ASB7: variants seen among roughly 807,000 people sequenced by gnomAD.
ASB7 encodes ankyrin repeat and SOCS box containing 7, also known as ankyrin repeat and SOCS box protein 7.
Under a neutral mutation model 32.5 loss-of-function variants are expected in ASB7, and 4 were observed. That is an observed-to-expected ratio of 0.12 (90% CI 0.06 to 0.28). The LOEUF is 0.28. Among genes scored for constraint, ASB7 ranks in the 10% least tolerant of loss-of-function variants. The pLI is 1.00. For synonymous variants in ASB7, 172 were observed against 155.6 expected (o/e 1.11, Z -0.78); for missense variants, 181 against 407.1 (o/e 0.44, Z 4.78).
At chr15:100,646,002 A>G (rs756019301) in intron 5 of ASB7, 28 of 473,870 alleles carry the variant, frequency 5.9e-5, no homozygotes, top group Middle Eastern at 6.4e-4. Flanking sequence ...CCTCCATTTC[A>G]TCTTCTTCTG....
chr15:100,609,280 G>A (rs1441598258), intron 2 of ASB7, among the ~76,000 whole-genome samples: 1 of 152,106 alleles, frequency 6.6e-6, no homozygotes, highest in African/African-American at 2.4e-5. Context: ...TTTAACCCAG[G>A]CCACCTATTA....
intron 5 of ASB7, among the ~76,000 whole-genome samples, chr15:100,647,182 A>G (rs569462871): frequency 1.3e-5 from 2 of 152,362 alleles, no homozygotes; most frequent in East Asian, 1.9e-4. Flanking sequence ...TAGCCCACAT[A>G]AAAGTTTCTG....
intron 4 of ASB7, among the ~76,000 whole-genome samples, chr15:100,614,484 G>T (rs1487939026): frequency 6.6e-6 from 1 of 152,048 alleles, no homozygotes; most frequent in Non-Finnish European, 1.5e-5. Context: ...TTTGTGTGCC[G>T]TACTGGCTTT....
chr15:100,630,188 TA>T (rs541033683), intron 5 of ASB7, 146 bp downstream of exon 5: 547 of 1,232,244 alleles, frequency 4.4e-4, no homozygotes, highest in South Asian at 1.2e-3. Context: ...TCTTCTGAAA[TA>T]AAAAAAAAAC....
chr15:100,613,146 C>G (rs1350552036), intron 4 of ASB7, among the ~76,000 whole-genome samples: 1 of 152,216 alleles, frequency 6.6e-6, no homozygotes, highest in Non-Finnish European at 1.5e-5. Context: ...TGTATACCCA[C>G]ATTATCTCTG....
Position 100,649,907 on chromosome 15 carries a change from C to T in ASB7, c.*1445C>T, listed in dbSNP as rs1257525290. 6.6e-6 allele frequency: 1 copy of T among 152,224 alleles called. No individual in the cohort carries two copies. Among genetic ancestry groups the T allele is most frequent in the Non-Finnish European group, 1.5e-5 (1 of 68,054 alleles). 9.4% of individuals were successfully genotyped at this position (152,224 alleles called of 1,614,324 possible). On this transcript the variant is annotated 3_prime_UTR_variant, in exon 6 of 6. Coordinates refer to ENST00000332783, the MANE Select transcript of ASB7 (RefSeq NM_198243.3). Reference sequence around the variant, plus strand: ...GAAGTTTACAAGACGAAGGGCTTCTCTCGTCTGAATTTCTAGATTTAAGTC... The same window carrying T: ...GAAGTTTACAAGACGAAGGGCTTCTTTCGTCTGAATTTCTAGATTTAAGTC...
chr15:100,626,033 G>A (rs1053162831), intron 4 of ASB7, among the ~76,000 whole-genome samples: 4 of 152,132 alleles, frequency 2.6e-5, no homozygotes, highest in African/African-American at 9.7e-5. Context: ...CTAAATGTGA[G>A]AGTTAAAAGT....
At chr15:100,648,171 G>A (rs2040009009) in intron 5 of ASB7, 152 bp from the exon 6 acceptor site, 22 of 676,156 alleles carry the variant, frequency 3.3e-5, no homozygotes, top group Non-Finnish European at 4.7e-5. Flanking sequence ...ATCGCATGAA[G>A]GTCCTAGGAC....
chr15:100,642,180 A>T (rs2039966158), intron 5 of ASB7, among the ~76,000 whole-genome samples: 1 of 152,210 alleles, frequency 6.6e-6, no homozygotes, highest in Non-Finnish European at 1.5e-5. Context: ...AGGCCTCAGA[A>T]TGTGCATTTT....
intron 2 of ASB7, among the ~76,000 whole-genome samples, chr15:100,609,343 C>T (rs1306242979): frequency 6.6e-6 from 1 of 152,170 alleles, no homozygotes; most frequent in Non-Finnish European, 1.5e-5. Context: ...GTGCAGGTGA[C>T]TTATGGTGTC....
intron 3 of ASB7, among the ~76,000 whole-genome samples, chr15:100,610,977 G>A (rs1479739076): frequency 1.3e-5 from 2 of 152,190 alleles, no homozygotes; most frequent in African/African-American, 2.4e-5. Flanking sequence ...ATACACACAT[G>A]TAAGATGCAA....
At chr15:100,640,185 C>T (rs566768944) in intron 5 of ASB7, among the ~76,000 whole-genome samples, 2 of 152,116 alleles carry the variant, frequency 1.3e-5, no homozygotes, top group East Asian at 3.9e-4. Context: ...TCACTTGTCA[C>T]CCATGCTGGA....
intron 4 of ASB7, among the ~76,000 whole-genome samples, chr15:100,624,031 T>C (rs2039815392): frequency 6.6e-6 from 1 of 152,148 alleles, no homozygotes; most frequent in Non-Finnish European, 1.5e-5. Context: ...GACGAGGTCA[T>C]CATGTGAGGT....
At chr15:100,637,655 C>A (rs2039933479) in intron 5 of ASB7, among the ~76,000 whole-genome samples, 1 of 152,186 alleles carries the variant, frequency 6.6e-6, no homozygotes, top group Admixed American at 6.5e-5. Context: ...TTCCAGATTT[C>A]ATATTGTAAC....
intron 5 of ASB7, among the ~76,000 whole-genome samples, chr15:100,637,913 G>GTGC (rs1449045695): frequency 6.6e-6 from 1 of 150,638 alleles, no homozygotes; most frequent in African/African-American, 2.5e-5. Flanking sequence ...ACTGTAAGAG[G>GTGC]TGCTGTTCTC....
chr15:100,624,489 C>A (rs1406349884), intron 4 of ASB7, among the ~76,000 whole-genome samples: 2 of 152,138 alleles, frequency 1.3e-5, no homozygotes, highest in Admixed American at 6.5e-5. Flanking sequence ...CACTACAGAT[C>A]CTCTAGACAT....
At chr15:100,640,927 C>G (rs944576825) in intron 5 of ASB7, among the ~76,000 whole-genome samples, 1 of 152,192 alleles carries the variant, frequency 6.6e-6, no homozygotes, top group African/African-American at 2.4e-5. Context: ...ACTAATAACC[C>G]TTTGAACTAT....
rs2040025136 is a variant in ASB7, at chr15:100,650,550, C to T, written c.*2088C>T. 6.6e-6 allele frequency: 1 copy of T among 152,108 alleles called. No homozygotes were observed. Among genetic ancestry groups the T allele is most frequent in the Non-Finnish European group, 1.5e-5 (1 of 68,024 alleles). The allele number at this position is 152,108 out of a possible 1,614,324, so 9.4% of individuals were successfully genotyped here. ...CCACGTATGTGTGTGTTAATTTATT[C>T]ACTTAGTTTCAAAAGATTTTCTCTC... On this transcript the variant is annotated 3_prime_UTR_variant, in exon 6 of 6. Coordinates refer to ENST00000332783, the MANE Select transcript of ASB7 (RefSeq NM_198243.3).
At chr15:100,633,712 G>A (rs2039902068) in intron 5 of ASB7, among the ~76,000 whole-genome samples, 2 of 152,094 alleles carry the variant, frequency 1.3e-5, no homozygotes, top group Non-Finnish European at 2.9e-5. Flanking sequence ...AGAAAAAAAA[G>A]AGAAATAAAT....
Sources: gnomAD v4.1 joint callset for allele counts (sites outside exome capture counted in the v4.1 genomes callset) on GRCh38, gnomAD v4.1.1 for gene constraint, MANE v1.5 for transcripts, NCBI Gene and HGNC (gene_info 2026-07-23, HGNC 2026-07-21) for gene names.